Variants in KDM4C observed in about 807,000 individuals in gnomAD.
KDM4C encodes the protein lysine-specific demethylase 4C.
In KDM4C, 81 loss-of-function variants were observed where a neutral mutation model predicts 129.3. The ratio of observed to expected loss-of-function variants is 0.63; its 90% confidence interval spans 0.52 to 0.75. KDM4C has a LOEUF of 0.75. Among genes scored for constraint, KDM4C ranks in the 30% least tolerant of loss-of-function variants. The probability of loss-of-function intolerance (pLI) is 0.00; values close to 1 mark genes in which losing one functional copy is unlikely to be tolerated. For missense variants in KDM4C, 1,457 were observed against 1,304.0 expected (o/e 1.12, Z -1.81); for synonymous variants, 573 against 456.1 (o/e 1.26, Z -3.26).
intron 17 of KDM4C, among the ~76,000 whole-genome samples, chr9:7,058,609 T>C (rs1025993108): frequency 6.6e-6 from 1 of 152,190 alleles, no homozygotes; most frequent in African/African-American, 2.4e-5. Context: ...GTAACCATTG[T>C]ATTCTCCAAT....
At chr9:7,174,117 T>C (rs1845221774) in intron 21 of KDM4C, among the ~76,000 whole-genome samples, 1 of 152,068 alleles carries the variant, frequency 6.6e-6, no homozygotes, top group Non-Finnish European at 1.5e-5. Context: ...AGTTTAGGGA[T>C]AGGAAGGTGT....
intron 8 of KDM4C, among the ~76,000 whole-genome samples, chr9:6,914,686 C>G (rs1819985122): frequency 2.0e-5 from 3 of 152,214 alleles, no homozygotes; most frequent in Admixed American, 6.5e-5. Flanking sequence ...GCATTGAGGG[C>G]TCCACGCCCA....
chr9:7,025,696 T>C (rs1587005579), intron 15 of KDM4C, among the ~76,000 whole-genome samples: 1 of 152,354 alleles, frequency 6.6e-6, no homozygotes, highest in Admixed American at 6.5e-5. Context: ...TTGTCTCTGT[T>C]TATATCTCAT....
intron 1 of KDM4C, among the ~76,000 whole-genome samples, chr9:6,733,029 A>G (rs1272457959): frequency 1.3e-5 from 2 of 152,216 alleles, no homozygotes; most frequent in African/African-American, 2.4e-5. Flanking sequence ...TAAAAAAAAG[A>G]AAGTACCACC....
At chr9:6,946,957 A>G (rs1483349276) in intron 8 of KDM4C, among the ~76,000 whole-genome samples, 1 of 152,136 alleles carries the variant, frequency 6.6e-6, no homozygotes, top group Non-Finnish European at 1.5e-5. Flanking sequence ...CCAGATCCCA[A>G]ATATTCCAGC....
chr9:6,943,554 G>A (rs756201651), intron 8 of KDM4C, among the ~76,000 whole-genome samples: 1 of 151,806 alleles, frequency 6.6e-6, no homozygotes, highest in Admixed American at 6.6e-5. Flanking sequence ...GTGTGCCTCT[G>A]GTCCTGGCTA....
intron 4 of KDM4C, among the ~76,000 whole-genome samples, chr9:6,845,006 T>C (rs1359556693): frequency 2.0e-5 from 3 of 152,168 alleles, no homozygotes; most frequent in Non-Finnish European, 2.9e-5. Context: ...ATATTTCTAA[T>C]GTTGCATTGG....
chr9:7,082,731 A>G (rs899093100), intron 17 of KDM4C, among the ~76,000 whole-genome samples: 3 of 152,210 alleles, frequency 2.0e-5, no homozygotes, highest in African/African-American at 7.2e-5. Flanking sequence ...CCTTGAAGGC[A>G]GGAAGATCTA....
At chr9:6,755,172 C>G (rs1818199493), upstream of KDM4C, among the ~76,000 whole-genome samples, 1 of 152,166 alleles carries the variant, frequency 6.6e-6, no homozygotes, top group South Asian at 2.1e-4. Context: ...GAGATCAAGA[C>G]TATCCTGGCT....
intron 17 of KDM4C, among the ~76,000 whole-genome samples, chr9:7,052,756 C>T (rs1411851553): frequency 6.6e-6 from 1 of 152,062 alleles, no homozygotes; most frequent in Non-Finnish European, 1.5e-5. Flanking sequence ...GCAAGGGCTG[C>T]ATCTCTTCAG....
rs147100950 is a variant in KDM4C, at chr9:7,060,454, GTTATTATTATTATTATTATTA to G, written c.2424+11278_2424+11298del. 4.1e-3 allele frequency among the ~76,000 whole-genome samples: 523 copies of G among 127,528 alleles called. 6 individuals are homozygous for G. Among genetic ancestry groups the G allele is most frequent in the African/African-American group, 0.017 (488 of 29,256 alleles). 83.7% of individuals were successfully genotyped at this position (127,528 alleles called of 152,430 possible). On this transcript the variant is annotated intron_variant, in intron 17 of 21. Coordinates refer to ENST00000381309, the MANE Select transcript of KDM4C (RefSeq NM_015061.6). ...GGGATGACTTTTTAGCAGTATTGTTGTTATTATTATTATTATTATTATTATTATTATTATTATTATTATTTT... is the reference window on the plus strand; with the variant it reads ...GGGATGACTTTTTAGCAGTATTGTTGTTATTATTATTATTATTATTATTTT...
At chr9:6,918,301 C>T (rs965653833) in intron 8 of KDM4C, among the ~76,000 whole-genome samples, 1 of 152,156 alleles carries the variant, frequency 6.6e-6, no homozygotes, top group African/African-American at 2.4e-5. Context: ...GGTTAATTTT[C>T]TTAGGATAAC....
At chr9:7,119,730 C>G (rs1338667399) in intron 18 of KDM4C, among the ~76,000 whole-genome samples, 1 of 151,894 alleles carries the variant, frequency 6.6e-6, no homozygotes, top group Admixed American at 6.6e-5. Flanking sequence ...AAACATAGTT[C>G]TGAGTAGGGC....
intron 21 of KDM4C, among the ~76,000 whole-genome samples, chr9:7,173,360 C>G (rs896287839): frequency 8.5e-5 from 13 of 152,228 alleles, no homozygotes; most frequent in African/African-American, 3.1e-4. Flanking sequence ...GCCGTCTGAG[C>G]AGAGCACGGG....
chr9:6,919,537 G>GTCTATCTATCTA (rs774364572), intron 8 of KDM4C, among the ~76,000 whole-genome samples: 3 of 94,864 alleles, frequency 3.2e-5, no homozygotes, highest in African/African-American at 8.5e-5. Flanking sequence ...TCATCTGTCT[G>GTCTATCTATCTA]TCTGTCTGTC....
At chr9:7,050,358 A>G (rs1172022239) in intron 17 of KDM4C, among the ~76,000 whole-genome samples, 1 of 149,018 alleles carries the variant, frequency 6.7e-6, no homozygotes, top group Non-Finnish European at 1.5e-5. Flanking sequence ...GGTCACAGTG[A>G]CTGTCAGAAG....
chr9:6,883,809 T>G (rs1451809154), intron 6 of KDM4C, among the ~76,000 whole-genome samples: 3 of 152,110 alleles, frequency 2.0e-5, no homozygotes, highest in Non-Finnish European at 4.4e-5. Flanking sequence ...ACCAGTTTGA[T>G]CCCAATGTTC....
intron 1 of KDM4C, among the ~76,000 whole-genome samples, chr9:6,781,841 A>G (rs1165828567): frequency 1.4e-5 from 2 of 147,928 alleles, no homozygotes; most frequent in Non-Finnish European, 3.0e-5. Flanking sequence ...TTTTTTTGAG[A>G]CAGAACCTCA....
chr9:6,835,427 A>G, intron 4 of KDM4C: 1 of 1,166,562 alleles, frequency 8.6e-7, no homozygotes, highest in Non-Finnish European at 1.3e-6. Flanking sequence ...AGCACGATGA[A>G]GATCAAGATC....
Sources: allele counts gnomAD v4.1 joint callset (sites outside exome capture counted in the v4.1 genomes callset), GRCh38; gene constraint gnomAD v4.1.1; transcripts MANE v1.5; gene names NCBI Gene and HGNC (gene_info 2026-07-23, HGNC 2026-07-21).